Variants in SELENOI observed in about 807,000 individuals in gnomAD.
SELENOI encodes ethanolaminephosphotransferase 1.
In SELENOI, 24 loss-of-function variants were observed where a neutral mutation model predicts 50.7. That is an observed-to-expected ratio of 0.47 (90% CI 0.34 to 0.67). The LOEUF (loss-of-function observed/expected upper bound fraction) is 0.67, where lower values mean the gene tolerates loss of function less well. SELENOI is among the 30% of genes least tolerant of loss of function. The pLI is 0.01. For synonymous variants in SELENOI, 155 were observed against 170.2 expected (o/e 0.91, Z 0.70); for missense variants, 352 against 461.4 (o/e 0.76, Z 2.17).
intron 8 of SELENOI, among the ~76,000 whole-genome samples, chr2:26,385,435 G>T (rs11690560): frequency 6.6e-6 from 1 of 152,094 alleles, no homozygotes; most frequent in Admixed American, 6.5e-5. Flanking sequence ...ATTCCCTTTA[G>T]ACTCTAAATA....
chr2:26,387,138 A>G (rs2147963941), intron 9 of SELENOI, among the ~76,000 whole-genome samples: 1 of 152,328 alleles, frequency 6.6e-6, no homozygotes, highest in African/African-American at 2.4e-5. Context: ...AATATAGAAG[A>G]AAAGGGATTT....
At chr2:26,377,647 A>G (rs911165761) in intron 6 of SELENOI, among the ~76,000 whole-genome samples, 1 of 151,878 alleles carries the variant, frequency 6.6e-6, no homozygotes, top group Admixed American at 6.6e-5. Flanking sequence ...AAAAAAAGTT[A>G]TTGTACTTTT....
At chr2:26,363,972 C>A (rs932999705) in intron 1 of SELENOI, among the ~76,000 whole-genome samples, 1 of 152,064 alleles carries the variant, frequency 6.6e-6, no homozygotes, top group Non-Finnish European at 1.5e-5. Context: ...GAACTCCTGA[C>A]CTCAAGTAAT....
chr2:26,369,209 C>T (rs1677355316), intron 4 of SELENOI, among the ~76,000 whole-genome samples: 1 of 152,160 alleles, frequency 6.6e-6, no homozygotes, highest in African/African-American at 2.4e-5. Context: ...CTGGCTTTCT[C>T]CTCATTCCCT....
chr2:26,371,926 T>C (rs973287870), intron 4 of SELENOI, among the ~76,000 whole-genome samples: 8 of 152,106 alleles, frequency 5.3e-5, no homozygotes, highest in African/African-American at 1.9e-4. Flanking sequence ...CATTCCCTCC[T>C]CTTGAAATGA....
In SELENOI at chr2:26,381,319, A is replaced by G. The variant is rs1435450397; in HGVS notation, c.683-1980A>G. On this transcript the variant is annotated intron_variant, in intron 6 of 9. Coordinates refer to ENST00000260585, the MANE Select transcript of SELENOI (RefSeq NM_033505.4). ...CTTGTGCAAGATGAAAAGCGGGTCT[A>G]CATATATATGGTCTCTATCACTGTT... Among the ~76,000 whole-genome samples the G allele has an allele frequency of 7.4e-5, 11 of 147,764 alleles. No individual in the cohort carries two copies. The East Asian group carries it at 1.9e-3, about 25-fold the overall frequency.
At chr2:26,370,924 G>A (rs1363879124) in intron 4 of SELENOI, among the ~76,000 whole-genome samples, 2 of 94,404 alleles carry the variant, frequency 2.1e-5, no homozygotes, top group Non-Finnish European at 4.9e-5. Context: ...TGGCCGGGCG[G>A]GGGGCTGACC....
rs898434452 is a variant in SELENOI, at chr2:26,391,246, A to G, written c.*2143A>G. The G allele has an allele frequency of 6.6e-6, 1 of 152,202 alleles. No homozygotes were observed. The highest frequency in any genetic ancestry group is 1.5e-5 in the Non-Finnish European group (1 of 68,042). The allele number at this position is 152,202 out of a possible 1,614,324, so 9.4% of individuals were successfully genotyped here. ...TAGTCAGTTTTATTGACATTGTTAG[A>G]TGAAAGAAAAGTAGCTGTCAACAAG... On this transcript the variant is annotated 3_prime_UTR_variant, in exon 10 of 10. Transcript: ENST00000260585.
intron 6 of SELENOI, among the ~76,000 whole-genome samples, chr2:26,376,138 T>C (rs914763901): frequency 2.0e-5 from 3 of 151,928 alleles, no homozygotes; most frequent in Non-Finnish European, 4.4e-5. Context: ...CCTTTCCCAT[T>C]TGGTGAACCT....
chr2:26,356,123 T>C (rs1000499766), intron 1 of SELENOI, among the ~76,000 whole-genome samples: 5 of 152,236 alleles, frequency 3.3e-5, no homozygotes, highest in Non-Finnish European at 5.9e-5. Context: ...GGGTTAATTA[T>C]CCTTCCCCCT....
intron 4 of SELENOI, among the ~76,000 whole-genome samples, chr2:26,372,860 T>C (rs986393317): frequency 1.3e-5 from 2 of 152,356 alleles, no homozygotes; most frequent in South Asian, 2.1e-4. Context: ...TGAAGAATTA[T>C]ATATTTTATT....
At position 26,393,194 on chromosome 2, in the gene SELENOI, G is replaced by A. The variant is rs889809379; in HGVS notation, c.*4091G>A. ...TATTGTAGGGTATATGGTTAATCAC[G>A]ATTGTCTAACTTTTCCAGAGAAAGT... On this transcript the variant is annotated 3_prime_UTR_variant, in exon 10 of 10. Transcript: ENST00000260585. 2.0e-5 allele frequency: 3 copies of A among 152,624 alleles called. No homozygotes were observed. Among genetic ancestry groups the A allele is most frequent in the African/African-American group, 4.8e-5 (2 of 41,438 alleles). 9.5% of individuals were successfully genotyped at this position (152,624 alleles called of 1,614,324 possible). A position where few individuals can be genotyped will look rare whatever the true frequency, so the allele number is the denominator to read the frequency against.
intron 9 of SELENOI, among the ~76,000 whole-genome samples, chr2:26,386,923 G>A (rs1677855922): frequency 1.3e-5 from 2 of 152,066 alleles, no homozygotes; most frequent in South Asian, 4.2e-4. Flanking sequence ...AGCTTTAGGG[G>A]CATTTTTATT....
chr2:26,349,947 A>AGTTAATGTAGAGAAATAGGAACGCTTTT (rs1676920460), intron 1 of SELENOI, among the ~76,000 whole-genome samples: 1 of 150,296 alleles, frequency 6.7e-6, no homozygotes, highest in Admixed American at 6.6e-5. Context: ...AAAAAAAAAA[A>AGTTAATGTAGAGAAATAGGAACGCTTTT]AAAAAAAAAA....
intron 6 of SELENOI, among the ~76,000 whole-genome samples, chr2:26,380,677 G>A (rs1216348283): frequency 2.0e-5 from 3 of 152,202 alleles, no homozygotes; most frequent in Non-Finnish European, 4.4e-5. Flanking sequence ...GGACAAATGT[G>A]TGCTGTTTTG....
intron 3 of SELENOI, among the ~76,000 whole-genome samples, chr2:26,366,751 T>C (rs529470154): frequency 6.6e-6 from 1 of 152,178 alleles, no homozygotes; most frequent in East Asian, 1.9e-4. Flanking sequence ...TAATTAATAG[T>C]ATAGGAAAGG....
chr2:26,385,056 A>G lies in SELENOI; in HGVS notation c.829A>G (p.Ile277Val). 1 of 1,613,088 alleles carries G rather than the reference A, an allele frequency of 6.2e-7. No individual in the cohort carries two copies. The stretch of plus-strand genomic sequence containing the variant: ...GCTGTTCATTTTGTCTACAGCGTGG[A>G]TCCTTTGGTCACCTTCAGATATTTT... ...CLLFILSTAW[I>V]LWSPSDILEL... Residue 277 changes from isoleucine to valine, a missense_variant, in exon 8 of 10, where the codon ATC becomes GTC. Coordinates refer to ENST00000260585, the MANE Select transcript of SELENOI (RefSeq NM_033505.4).
At chr2:26,346,402 G>C in intron 1 of SELENOI, 113 bp downstream of exon 1, 1 of 1,321,594 alleles carries the variant, frequency 7.6e-7, no homozygotes. Flanking sequence ...CGGGCGGGCT[G>C]GCGGGCGTTC....
intron 1 of SELENOI, among the ~76,000 whole-genome samples, chr2:26,357,415 A>G (rs1677086208): frequency 6.6e-6 from 1 of 152,172 alleles, no homozygotes; most frequent in Non-Finnish European, 1.5e-5. Context: ...GCTGGTTACC[A>G]TCTTTACTAG....
Sources: gnomAD v4.1 joint callset for allele counts (sites outside exome capture counted in the v4.1 genomes callset) on GRCh38, gnomAD v4.1.1 for gene constraint, MANE v1.5 for transcripts, NCBI Gene and HGNC (gene_info 2026-07-23, HGNC 2026-07-21) for gene names.